SNX2: variants seen among roughly 807,000 people sequenced by gnomAD.
SNX2 encodes sorting nexin-2.
In SNX2, 25 loss-of-function variants were observed where a neutral mutation model predicts 69.9. That is an observed-to-expected ratio of 0.36 (90% CI 0.26 to 0.50). SNX2 has a LOEUF of 0.50. SNX2 is among the 20% of genes least tolerant of loss of function. SNX2 has a pLI of 0.97. For synonymous variants in SNX2, 229 were observed against 200.4 expected, an observed-to-expected ratio of 1.14 and a Z score of -1.20; for missense variants, 551 against 613.3, an observed-to-expected ratio of 0.90 and a Z score of 1.07.
At chr5:122,785,685 G>C (rs1753069201) in intron 1 of SNX2, among the ~76,000 whole-genome samples, 3 of 152,122 alleles carry the variant, frequency 2.0e-5, no homozygotes. Context: ...CAAAATTTGA[G>C]GATATTCCAG....
intron 1 of SNX2, among the ~76,000 whole-genome samples, chr5:122,792,284 C>CA (rs1278746954): frequency 2.6e-5 from 4 of 152,176 alleles, no homozygotes; most frequent in African/African-American, 9.7e-5. Context: ...CATCAAAAGA[C>CA]TATTGATCCT....
chr5:122,788,744 C>T (rs908747407), intron 1 of SNX2, among the ~76,000 whole-genome samples: 4 of 145,742 alleles, frequency 2.7e-5, no homozygotes, highest in African/African-American at 1.1e-4. Flanking sequence ...ATTTTGTTTT[C>T]TTTCTTCTTT....
intron 1 of SNX2, among the ~76,000 whole-genome samples, chr5:122,794,167 C>T (rs758684598): frequency 2.0e-5 from 3 of 151,552 alleles, no homozygotes; most frequent in South Asian, 2.1e-4. Flanking sequence ...AAAAATTAGC[C>T]GGGCATGGTG....
chr5:122,780,131 G>T (rs1358256161), intron 1 of SNX2, among the ~76,000 whole-genome samples: 3 of 152,172 alleles, frequency 2.0e-5, no homozygotes, highest in Middle Eastern at 3.2e-3. Flanking sequence ...ATAGCATTAG[G>T]CAGCTAGGAC....
At chr5:122,788,854 G>C (rs1351157856) in intron 1 of SNX2, among the ~76,000 whole-genome samples, 2 of 152,026 alleles carry the variant, frequency 1.3e-5, no homozygotes, top group South Asian at 2.1e-4. Context: ...ATACAACATA[G>C]TTAGAAATGC....
intron 1 of SNX2, among the ~76,000 whole-genome samples, chr5:122,784,913 C>T (rs553616377): frequency 6.6e-6 from 1 of 152,260 alleles, no homozygotes; most frequent in Non-Finnish European, 1.5e-5. Flanking sequence ...TTTTTAAATA[C>T]AGGACTGCTT....
Position 122,815,913 on chromosome 5 carries a change from T to G in SNX2, c.740T>G (p.Val247Gly). The G allele has an allele frequency of 6.2e-7, 1 of 1,602,494 alleles. No individual in the cohort carries two copies. The highest frequency in any genetic ancestry group is 8.5e-7 in the Non-Finnish European group (1 of 1,172,808). The change falls in exon 8 of 15, where the codon GTA becomes GGA. Residue 247 changes from valine (V) to glycine (G), a missense_variant. Physicochemically the swap from Val to Gly is moderately radical, Grantham distance 109. This residue lies in a region of SNX2 where 360 missense variants were observed against 450.4 expected (regional missense o/e 0.80). Transcript: ENST00000379516. ...AAATCTAGGTATCTTCAAAGAACAGTAAAACATCCAACTTTACTACAGGAT... is the reference window on the plus strand; with the variant it reads ...AAATCTAGGTATCTTCAAAGAACAGGAAAACATCCAACTTTACTACAGGAT... ...AALERYLQRT[V>G]KHPTLLQDPD...
chr5:122,794,646 A>G (rs976832824), intron 1 of SNX2, among the ~76,000 whole-genome samples: 2 of 152,244 alleles, frequency 1.3e-5, no homozygotes, highest in African/African-American at 2.4e-5. Flanking sequence ...GTTCTATTGT[A>G]TATGACTGTA....
At position 122,791,290 on chromosome 5, in the gene SNX2, CT is replaced by C. The variant is rs35993660; in HGVS notation, c.109-3967del. 2.7e-5 allele frequency among the ~76,000 whole-genome samples: 4 copies of C among 150,268 alleles called. No individual in the cohort carries two copies. The South Asian group carries it at 6.4e-4, about 24-fold the overall frequency. On this transcript the variant is annotated intron_variant, in intron 1 of 14. Coordinates refer to ENST00000379516, the MANE Select transcript of SNX2 (RefSeq NM_003100.4). ...AGACATGCGCCACCATGCCCGGCTA[CT>C]TTTTTTTTGAGATGGAGTCTTGCCC... is the stretch of plus-strand genomic sequence containing the variant.
intron 1 of SNX2, among the ~76,000 whole-genome samples, chr5:122,788,507 T>C (rs1337270137): frequency 6.6e-6 from 1 of 152,242 alleles, no homozygotes; most frequent in African/African-American, 2.4e-5. Flanking sequence ...CATTTTGGTA[T>C]TGTCCCATAG....
intron 1 of SNX2, among the ~76,000 whole-genome samples, chr5:122,778,395 A>G (rs903672206): frequency 1.3e-5 from 2 of 152,268 alleles, no homozygotes; most frequent in African/African-American, 2.4e-5. Context: ...AGTAAACTCC[A>G]TACTGTTTTC....
Position 122,827,693 on chromosome 5 carries a change from G to T in SNX2, c.1509+47G>T, listed in dbSNP as rs372892083. 9.9e-5 allele frequency: 134 copies of T among 1,358,322 alleles called. No individual in the cohort carries two copies. The East Asian group carries it at 2.1e-3, about 22-fold the overall frequency. The allele number at this position is 1,358,322 out of a possible 1,614,324, so 84.1% of individuals were successfully genotyped here. The stretch of plus-strand genomic sequence containing the variant: ...CTTAAACTTCTAGAATTTGTTTTTG[G>T]TATACTTTCTTATTTTAAAAAGATG... On this transcript the variant is annotated intron_variant, in intron 14 of 14. Transcript: ENST00000379516.
At chr5:122,783,143 C>T (rs1042463391) in intron 1 of SNX2, among the ~76,000 whole-genome samples, 2 of 149,600 alleles carry the variant, frequency 1.3e-5, no homozygotes, top group Non-Finnish European at 3.0e-5. Flanking sequence ...GACAAGGTTT[C>T]ATAATGTTAG....
At chr5:122,794,764 G>A (rs1388652650) in intron 1 of SNX2, among the ~76,000 whole-genome samples, 5 of 152,160 alleles carry the variant, frequency 3.3e-5, no homozygotes, top group Admixed American at 3.3e-4. Flanking sequence ...GCACACACCT[G>A]TAATCCCAGC....
chr5:122,822,671 C>T (rs944520731), intron 11 of SNX2, among the ~76,000 whole-genome samples: 3 of 152,098 alleles, frequency 2.0e-5, no homozygotes, highest in African/African-American at 7.2e-5. Flanking sequence ...GCCTGTTTTC[C>T]TCTTTTGTAT....
Position 122,830,490 on chromosome 5 carries a change from A to G in SNX2, c.*842A>G, listed in dbSNP as rs1200898027. On this transcript the variant is annotated 3_prime_UTR_variant, in exon 15 of 15. Transcript: ENST00000379516. ...CTCGTACTTTGCATATATTTAATTT[A>G]TTCTTGTCTTTTGGTTTTTTTTCTT... Among the ~76,000 whole-genome samples, 1 of 152,108 alleles carries G rather than the reference A, an allele frequency of 6.6e-6. No homozygotes were observed. The highest frequency in any genetic ancestry group is 1.5e-5 in the Non-Finnish European group (1 of 68,018).
intron 7 of SNX2, among the ~76,000 whole-genome samples, chr5:122,809,959 T>C (rs1242917225): frequency 1.3e-5 from 2 of 152,174 alleles, no homozygotes; most frequent in Non-Finnish European, 2.9e-5. Context: ...GGAGAGGTCA[T>C]AGACTGAATA....
At chr5:122,817,425 AT>A in intron 10 of SNX2, 52 bp downstream of exon 10, 1 of 1,097,854 alleles carries the variant, frequency 9.1e-7, no homozygotes, top group Non-Finnish European at 1.3e-6. Context: ...TAATGAAAAT[AT>A]TTTATTTAAA....
rs58159922 is a variant in SNX2, at chr5:122,831,009, C to CAAAAAAAAAAA, written c.*1375_*1385dup. ...AGGCAACAAAAGCAAAACTCCATCT[C>CAAAAAAAAAAA]AAAAAAAAAAAAAAAAAAAAAAAAG... On this transcript the variant is annotated 3_prime_UTR_variant, in exon 15 of 15. Coordinates refer to ENST00000379516, the MANE Select transcript of SNX2 (RefSeq NM_003100.4). Among the ~76,000 whole-genome samples the CAAAAAAAAAAA allele has an allele frequency of 1.6e-5, 1 of 63,010 alleles. No individual in the cohort carries two copies. The highest frequency in any genetic ancestry group is 2.9e-5 in the Non-Finnish European group (1 of 33,918). The allele number at this position is 63,010 out of a possible 152,430, so 41.3% of individuals were successfully genotyped here.
Sources: allele counts gnomAD v4.1 joint callset (sites outside exome capture counted in the v4.1 genomes callset), GRCh38; gene constraint gnomAD v4.1.1; regional missense constraint gnomAD v4.1.1; transcripts MANE v1.5; gene names NCBI Gene and HGNC (gene_info 2026-07-23, HGNC 2026-07-21).